The following TANC2 variants were observed in gnomAD, a reference collection of about 807,000 sequenced individuals.
The protein encoded by TANC2 is protein TANC2.
Under a neutral mutation model 210.5 loss-of-function variants are expected in TANC2, and 26 were observed. That is an observed-to-expected ratio of 0.12 (90% CI 0.09 to 0.17). TANC2 has a LOEUF of 0.17. TANC2 is among the 10% of genes least tolerant of loss of function. The probability of loss-of-function intolerance (pLI) is 1.00; values close to 1 mark genes in which losing one functional copy is unlikely to be tolerated. For missense variants in TANC2, 2,129 were observed against 2,608.9 expected, an observed-to-expected ratio of 0.82 and a Z score of 4.01; for synonymous variants, 931 against 967.1, an observed-to-expected ratio of 0.96 and a Z score of 0.69.
In TANC2 at chr17:63,126,083, CTT is replaced by C. The variant is rs144731233; in HGVS notation, c.323-25185_323-25184del. ...TTATGAGGATTACATGAGTGAATGACTTTGAACAGTTTTGATCACAATAAGTG... is the reference window on the plus strand; with the variant it reads ...TTATGAGGATTACATGAGTGAATGACTGAACAGTTTTGATCACAATAAGTG... On this transcript the variant is annotated intron_variant, in intron 4 of 27. Coordinates refer to ENST00000689528, the Ensembl canonical transcript of TANC2. Among the ~76,000 whole-genome samples, 20 of 152,242 alleles carry C rather than the reference CTT, an allele frequency of 1.3e-4. No individual in the cohort carries two copies. The East Asian group carries it at 3.7e-3, about 28-fold the overall frequency.
At chr17:63,029,778 A>C (rs2034695697) in intron 2 of TANC2, among the ~76,000 whole-genome samples, 1 of 152,150 alleles carries the variant, frequency 6.6e-6, no homozygotes, top group South Asian at 2.1e-4. Flanking sequence ...CAACAGCAAC[A>C]ATATACTTGG....
chr17:63,208,148 T>C (rs1178481803), intron 7 of TANC2, among the ~76,000 whole-genome samples: 7 of 152,182 alleles, frequency 4.6e-5, no homozygotes, highest in Non-Finnish European at 1.0e-4. Context: ...TCAAGTTTTT[T>C]TGTTTTTTCC....
chr17:63,402,592 G>T (rs1340259357), intron 19 of TANC2, among the ~76,000 whole-genome samples: 1 of 152,160 alleles, frequency 6.6e-6, no homozygotes, highest in East Asian at 1.9e-4. Context: ...TTTAGTGTCA[G>T]CATCCCATCC....
chr17:63,191,297 T>G (rs2041175662), intron 5 of TANC2, among the ~76,000 whole-genome samples: 1 of 150,524 alleles, frequency 6.6e-6, no homozygotes, highest in Non-Finnish European at 1.5e-5. Context: ...ATTATGTTGG[T>G]GCAAAAGTAA....
At chr17:63,048,274 ATATT>A (rs1490084503) in intron 2 of TANC2, among the ~76,000 whole-genome samples, 1 of 152,124 alleles carries the variant, frequency 6.6e-6, no homozygotes, top group Non-Finnish European at 1.5e-5. Context: ...TAAAACATAA[ATATT>A]TGGGTTGAGT....
intron 5 of TANC2, among the ~76,000 whole-genome samples, chr17:63,171,551 C>A (rs1010818729): frequency 2.6e-5 from 4 of 152,122 alleles, no homozygotes; most frequent in African/African-American, 9.7e-5. Flanking sequence ...AGCTATCATG[C>A]AAAACAACTG....
At chr17:63,287,082 G>A (rs999673264) in intron 9 of TANC2, among the ~76,000 whole-genome samples, 7 of 151,908 alleles carry the variant, frequency 4.6e-5, no homozygotes, top group African/African-American at 1.2e-4. Context: ...ACACCCAGCC[G>A]CCACCACACT....
intron 7 of TANC2, among the ~76,000 whole-genome samples, chr17:63,202,106 C>T (rs2041554099): frequency 6.6e-6 from 1 of 152,022 alleles, no homozygotes. Context: ...AGTTCTGGAG[C>T]TTCTCAGTTT....
chr17:63,077,436 G>GA (rs1247293713), intron 3 of TANC2, among the ~76,000 whole-genome samples: 1 of 152,156 alleles, frequency 6.6e-6, no homozygotes, highest in Non-Finnish European at 1.5e-5. Flanking sequence ...CAATAAAGCA[G>GA]AAAGATCCTT....
At chr17:63,291,086 A>G (rs535262676) in intron 9 of TANC2, among the ~76,000 whole-genome samples, 8 of 152,180 alleles carry the variant, frequency 5.3e-5, no homozygotes, top group Non-Finnish European at 7.4e-5. Context: ...CCAGCTTCCT[A>G]TAGGAAATAC....
At chr17:63,069,590 CTTA>C (rs1290839609) in intron 2 of TANC2, among the ~76,000 whole-genome samples, 2 of 152,146 alleles carry the variant, frequency 1.3e-5, no homozygotes, top group Non-Finnish European at 2.9e-5. Context: ...AAACTCAGGT[CTTA>C]TTATGCCCAC....
At chr17:63,302,144 GTTT>G in intron 9 of TANC2, among the ~76,000 whole-genome samples, 1 of 144,374 alleles carries the variant, frequency 6.9e-6, no homozygotes, top group African/African-American at 2.4e-5. Context: ...CTGAGAAACT[GTTT>G]TTTATTATTT....
chr17:63,400,384 A>C (rs764797008), intron 19 of TANC2, among the ~76,000 whole-genome samples: 20 of 152,170 alleles, frequency 1.3e-4, no homozygotes, highest in Non-Finnish European at 2.4e-4. Context: ...ATTGACATGA[A>C]TTTCTTATTA....
intron 8 of TANC2, among the ~76,000 whole-genome samples, chr17:63,257,816 A>G (rs2146205861): frequency 6.6e-6 from 1 of 152,260 alleles, no homozygotes; most frequent in East Asian, 1.9e-4. Flanking sequence ...GTTTCTATTT[A>G]TATCTTATAC....
In TANC2 at chr17:63,216,944, T is replaced by C. The variant is rs115085943; in HGVS notation, c.769+15987T>C. Among the ~76,000 whole-genome samples, 384 of 152,246 alleles carry C rather than the reference T, an allele frequency of 2.5e-3. 2 individuals are homozygous for C. Among genetic ancestry groups the C allele is most frequent in the African/African-American group, 8.8e-3 (364 of 41,548 alleles). On this transcript the variant is annotated intron_variant, in intron 7 of 27. Coordinates refer to ENST00000689528, the Ensembl canonical transcript of TANC2. ...GAAAAATATCAGGAAATTTCACAAA[T>C]CTTTGGAAATTAAATAACACATTTC...
intron 14 of TANC2, among the ~76,000 whole-genome samples, chr17:63,356,379 CAG>C (rs1214429866): frequency 1.3e-5 from 2 of 152,242 alleles, no homozygotes; most frequent in East Asian, 1.9e-4. Context: ...CTGGCAAATG[CAG>C]AGCTTATTTT....
chr17:62,996,596 A>G (rs2033118667), intron 1 of TANC2, among the ~76,000 whole-genome samples: 1 of 152,136 alleles, frequency 6.6e-6, no homozygotes, highest in Non-Finnish European at 1.5e-5. Flanking sequence ...TTGCTCAATT[A>G]AACTCGTTTA....
intron 2 of TANC2, among the ~76,000 whole-genome samples, chr17:63,050,247 C>T (rs1568344728): frequency 1.3e-5 from 2 of 151,642 alleles, no homozygotes; most frequent in Non-Finnish European, 2.9e-5. Context: ...TGCACGCCTA[C>T]TCAGGAGGCT....
intron 5 of TANC2, among the ~76,000 whole-genome samples, chr17:63,181,023 CAAAAAAAAAAAAAAA>C (rs1171748208): frequency 6.5e-5 from 2 of 30,644 alleles, no homozygotes; most frequent in Non-Finnish European, 6.5e-5. Flanking sequence ...GACTCCATCT[CAAAAAAAAAAAAAAA>C]AAAAAAAAAA....
Sources: gnomAD v4.1 joint callset for allele counts (sites outside exome capture counted in the v4.1 genomes callset) on GRCh38, gnomAD v4.1.1 for gene constraint, MANE v1.5 for transcripts, NCBI Gene and HGNC (gene_info 2026-07-23, HGNC 2026-07-21) for gene names.